SORBS2: variants seen among roughly 807,000 people sequenced by gnomAD.
SORBS2 encodes sorbin and SH3 domain-containing protein 2.
In SORBS2, 46 loss-of-function variants were observed where a neutral mutation model predicts 97.7. The observed-to-expected ratio is 0.47, with a 90% confidence interval of 0.37 to 0.60. The LOEUF (loss-of-function observed/expected upper bound fraction) is 0.60. SORBS2 is among the 20% of genes least tolerant of loss of function. The pLI, the probability that SORBS2 is intolerant of heterozygous loss-of-function variation, is 0.00. For missense variants in SORBS2, 1,316 were observed against 1,282.3 expected, an observed-to-expected ratio of 1.03 and a Z score of -0.40; for synonymous variants, 476 against 473.4, an observed-to-expected ratio of 1.01 and a Z score of -0.07.
At chr4:185,709,113 G>T (rs570835400) in intron 2 of SORBS2, among the ~76,000 whole-genome samples, 4 of 152,244 alleles carry the variant, frequency 2.6e-5, no homozygotes, top group East Asian at 3.9e-4. Flanking sequence ...CGCCTCTCGG[G>T]TTCAAGCGAT....
At chr4:185,817,090 C>T (rs1336632965) in intron 1 of SORBS2, among the ~76,000 whole-genome samples, 1 of 152,090 alleles carries the variant, frequency 6.6e-6, no homozygotes, top group African/African-American at 2.4e-5. Context: ...TCAGGTTTAT[C>T]AAGCTTTGGG....
chr4:185,645,645 G>T (rs148041524), intron 4 of SORBS2: 25 of 152,184 alleles, frequency 1.6e-4, no homozygotes, highest in African/African-American at 6.0e-4. Context: ...GATTATATAT[G>T]AGTGTGATTT....
At chr4:185,759,218 G>C (rs2098848750) in intron 2 of SORBS2, among the ~76,000 whole-genome samples, 1 of 152,226 alleles carries the variant, frequency 6.6e-6, no homozygotes, top group African/African-American at 2.4e-5. Context: ...GGAGATAACA[G>C]CTTCTCGCTT....
At position 185,937,169 on chromosome 4, in the gene SORBS2, C is replaced by CAGTGAGTG. The variant is rs75789532; in HGVS notation, c.-338+19019_-338+19026dup. Among the ~76,000 whole-genome samples, 720 of 151,686 alleles carry CAGTGAGTG rather than the reference C, an allele frequency of 4.7e-3. 4 individuals are homozygous for CAGTGAGTG. Among genetic ancestry groups the CAGTGAGTG allele is most frequent in the African/African-American group, 0.017 (692 of 41,310 alleles). ...AAACTCATTCATCTCGTGCTTCTGC[C>CAGTGAGTG]AGTGAGTGAGTGAGTGAGTGAGTGA... On this transcript the variant is annotated intron_variant, in intron 1 of 20. Transcript: ENST00000284776.
intron 1 of SORBS2, among the ~76,000 whole-genome samples, chr4:185,882,016 T>C (rs2099237155): frequency 6.6e-6 from 1 of 152,228 alleles, no homozygotes. Flanking sequence ...TTTGATAAAG[T>C]AACATTTATC....
At chr4:185,677,710 G>A in intron 4 of SORBS2, 1 of 1,274,208 alleles carries the variant, frequency 7.8e-7, no homozygotes, top group South Asian at 1.6e-5. Flanking sequence ...AGTTAGTCAT[G>A]AAAGAAACCA....
chr4:185,730,717 AG>A (rs201868029), intron 2 of SORBS2, among the ~76,000 whole-genome samples: 2,088 of 152,362 alleles, frequency 0.014, 53 homozygotes, highest in African/African-American at 0.047. Context: ...AGCTAGAACA[AG>A]GGAACAGGTC....
chr4:185,879,327 T>C (rs971008869), intron 1 of SORBS2, among the ~76,000 whole-genome samples: 2 of 152,026 alleles, frequency 1.3e-5, no homozygotes, highest in African/African-American at 2.4e-5. Context: ...GCTTCATCCA[T>C]GTCCCTACAA....
chr4:185,836,302 C>T lies in SORBS2; in HGVS notation c.-337-60936G>A, dbSNP rs559552197. ...CCCTGTCACACTGTCTCACTGTACC[C>T]TTCCACACGGCTTTACTTTCTGCTC... is the stretch of plus-strand genomic sequence containing the variant. On this transcript the variant is annotated intron_variant, in intron 1 of 20. Coordinates refer to the SORBS2 transcript ENST00000284776. Among the ~76,000 whole-genome samples the T allele has an allele frequency of 2.0e-3, 303 of 152,300 alleles. 3 individuals carry two copies. Among genetic ancestry groups the T allele is most frequent in the Middle Eastern group, 3.4e-3 (1 of 294 alleles).
At chr4:185,820,839 T>C (rs1479981653) in intron 1 of SORBS2, among the ~76,000 whole-genome samples, 1 of 152,222 alleles carries the variant, frequency 6.6e-6, no homozygotes, top group Non-Finnish European at 1.5e-5. Flanking sequence ...CTGTTTTGTT[T>C]TGACCCTGCT....
At chr4:185,849,726 A>AT (rs1487800515) in intron 1 of SORBS2, among the ~76,000 whole-genome samples, 1 of 152,054 alleles carries the variant, frequency 6.6e-6, no homozygotes, top group Admixed American at 6.6e-5. Context: ...TCAGCTGCCC[A>AT]TTTTTTCAAT....
chr4:185,868,865 A>G (rs539080537), intron 1 of SORBS2, among the ~76,000 whole-genome samples: 10 of 152,358 alleles, frequency 6.6e-5, no homozygotes, highest in African/African-American at 2.2e-4. Flanking sequence ...TATAAATCAC[A>G]TGTTCGTTAA....
intron 12 of SORBS2, among the ~76,000 whole-genome samples, chr4:185,605,457 AT>A (rs1474167196): frequency 1.3e-5 from 2 of 151,264 alleles, no homozygotes; most frequent in Non-Finnish European, 2.9e-5. Context: ...TAATTTTTGT[AT>A]TTTTAGTGGA....
chr4:185,655,618 T>C (rs2097386398), intron 1 of SORBS2, among the ~76,000 whole-genome samples: 1 of 152,236 alleles, frequency 6.6e-6, no homozygotes, highest in African/African-American at 2.4e-5. Context: ...TTCTATTTTA[T>C]AGAAGGGAAA....
chr4:185,652,345 T>G (rs1003290065), intron 2 of SORBS2, among the ~76,000 whole-genome samples: 1 of 151,754 alleles, frequency 6.6e-6, no homozygotes, highest in African/African-American at 2.4e-5. Flanking sequence ...CAGACAGGGG[T>G]GGACAGAGGA....
chr4:185,633,065 G>A (rs1450404112), intron 4 of SORBS2, among the ~76,000 whole-genome samples: 4 of 152,142 alleles, frequency 2.6e-5, no homozygotes, highest in African/African-American at 4.8e-5. Context: ...AACACACTTA[G>A]AAGGTCAATT....
intron 1 of SORBS2, among the ~76,000 whole-genome samples, chr4:185,858,722 G>A (rs2099222049): frequency 6.6e-6 from 1 of 152,150 alleles, no homozygotes; most frequent in Admixed American, 6.5e-5. Flanking sequence ...ACATAAAACT[G>A]AACACGTTTT....
At chr4:185,589,569 A>C in intron 14 of SORBS2, 110 bp downstream of exon 26, 1 of 717,210 alleles carries the variant, frequency 1.4e-6, no homozygotes, top group Non-Finnish European at 2.5e-6. Context: ...GAAAGATCAA[A>C]GGCATTACGA....
chr4:185,694,711 C>CTTTT (rs1561960485), intron 2 of SORBS2, among the ~76,000 whole-genome samples: 3 of 133,472 alleles, frequency 2.2e-5, no homozygotes, highest in African/African-American at 8.2e-5. Flanking sequence ...TCTTTCTTTT[C>CTTTT]TTTTCTTTTT....
Sources: allele counts gnomAD v4.1 joint callset (sites outside exome capture counted in the v4.1 genomes callset), GRCh38; gene constraint gnomAD v4.1.1; transcripts MANE v1.5; gene names NCBI Gene and HGNC (gene_info 2026-07-23, HGNC 2026-07-21).